The following MACF1 variants were observed in gnomAD, a reference collection of about 807,000 sequenced individuals.
The protein encoded by MACF1 is microtubule-actin cross-linking factor 1.
A neutral mutation model predicts 854.8 loss-of-function variants in MACF1; 193 were observed. The ratio of observed to expected loss-of-function variants is 0.23; its 90% CI spans 0.20 to 0.25. MACF1 has a LOEUF of 0.25. Ranked by LOEUF, MACF1 falls within the 10% of genes least tolerant of loss-of-function variation. The probability of loss-of-function intolerance (pLI) is 1.00; values close to 1 mark genes in which losing one functional copy is unlikely to be tolerated. For synonymous variants in MACF1, 3,185 were observed against 3,226.7 expected (o/e 0.99, Z 0.44); for missense variants, 7,722 against 8,929.1 (o/e 0.86, Z 5.45).
intron 2 of MACF1, among the ~76,000 whole-genome samples, chr1:39,106,309 A>G (rs7535185): frequency 0.12 from 18,382 of 152,054 alleles, 1,388 homozygotes; most frequent in African/African-American, 0.21. Context: ...TGCTGGAGGT[A>G]GGGGTCTGTT....
At chr1:39,369,143 G>A (rs1649008606) in intron 50 of MACF1, among the ~76,000 whole-genome samples, 1 of 151,682 alleles carries the variant, frequency 6.6e-6, no homozygotes, top group Non-Finnish European at 1.5e-5. Flanking sequence ...CAGACCCCCT[G>A]CTTGTTTTGA....
chr1:39,297,154 C>T (rs1457544180), intron 20 of MACF1, among the ~76,000 whole-genome samples: 1 of 152,130 alleles, frequency 6.6e-6, no homozygotes, highest in Non-Finnish European at 1.5e-5. Flanking sequence ...TCTCGATCTC[C>T]TGACCTCGTG....
In MACF1 at chr1:39,359,753, G is replaced by A. The variant is rs184253544; in HGVS notation, c.12244+489G>A. On this transcript the variant is annotated intron_variant, in intron 47 of 100. Transcript: ENST00000564288. Reference sequence around the variant, plus strand: ...TGGGAGGCCGAGGCGGGCAGATCACGAGGTCAGGAGATCGAGACCATCCTG... The same window carrying A: ...TGGGAGGCCGAGGCGGGCAGATCACAAGGTCAGGAGATCGAGACCATCCTG... Among the ~76,000 whole-genome samples the A allele has an allele frequency of 4.6e-3, 693 of 151,246 alleles. 12 individuals are homozygous for A. The highest frequency in any genetic ancestry group is 0.014 in the Middle Eastern group (4 of 294).
At chr1:39,410,115 C>CG (rs1557637144) in intron 58 of MACF1, 2 of 545,636 alleles carry the variant, frequency 3.7e-6, no homozygotes, top group Non-Finnish European at 3.1e-6. Context: ...GGTTTCAAAA[C>CG]GGAACTTCCA....
chr1:39,092,327 G>T (rs761534620), intron 2 of MACF1, among the ~76,000 whole-genome samples: 25 of 152,190 alleles, frequency 1.6e-4, no homozygotes, highest in Non-Finnish European at 2.8e-4. Context: ...CCTTAGAGCT[G>T]GTGCCAGCTG....
At position 39,295,809 on chromosome 1, in the gene MACF1, C is replaced by A. The variant is rs748190806; in HGVS notation, c.2282C>A (p.Ser761Tyr). The change falls in exon 20 of 101, where the codon TCC becomes TAC. Residue 761 changes from serine (S) to tyrosine (Y), a missense_variant. Around this residue, in one of 15 missense-constraint regions of MACF1, gnomAD observed 1,137 missense variants for 1,263.0 expected, o/e 0.90. Coordinates refer to ENST00000564288, the MANE Select transcript of MACF1 (RefSeq NM_001394062.1). ...CAGGCTTACAGTGCTGCTGTCCAGT[C>A]CCAGTTGCAGTGGATGAAGCAGCTG... ...TVEAYSAAVQ[S>Y]QLQWMKQLCL... The A allele has an allele frequency of 3.7e-6, 6 of 1,613,946 alleles. No individual in the cohort carries two copies. Among genetic ancestry groups the A allele is most frequent in the South Asian group, 1.1e-5 (1 of 91,038 alleles).
At chr1:39,461,791 CAAAA>C (rs59393084) in intron 92 of MACF1, 88 bp from the exon 93 acceptor site, 10,339 of 345,844 alleles carry the variant, frequency 0.03, no homozygotes, top group South Asian at 0.048. Context: ...GACCTTGTCT[CAAAA>C]AAAAAAAAAA....
Position 39,360,897 on chromosome 1 carries a change from G to C in MACF1, c.12349G>C (p.Glu4117Gln). ...AQSQSVQESL[E>Q]SLLQSIGEVE... ...ATCTCAGAGTGTCCAGGAAAGCCTG[G>C]AGAGCCTGTTGCAGTCTATTGGGGA... Residue 4117 changes from glutamate (E) to glutamine (Q), a missense_variant, in exon 48 of 101, where the codon GAG becomes CAG. Coordinates refer to ENST00000564288, the MANE Select transcript of MACF1 (RefSeq NM_001394062.1). The C allele has an allele frequency of 6.2e-7, 1 of 1,614,024 alleles. No homozygotes were observed. The highest frequency in any genetic ancestry group is 8.5e-7 in the Non-Finnish European group (1 of 1,180,016).
chr1:39,225,948 T>G (rs568255779), intron 1 of MACF1, among the ~76,000 whole-genome samples: 3 of 152,306 alleles, frequency 2.0e-5, no homozygotes, highest in African/African-American at 7.2e-5. Context: ...TTGGATTTCC[T>G]TGCTAAAAAT....
chr1:39,266,594 C>CTTTTTTTT (rs11406070), intron 6 of MACF1, among the ~76,000 whole-genome samples: 21 of 58,120 alleles, frequency 3.6e-4, no homozygotes, highest in East Asian at 1.1e-3. Context: ...TGGTCTTTTC[C>CTTTTTTTT]TTTTTTTTTT....
chr1:39,469,396 C>CT, intron 96 of MACF1, 151 bp from the exon 97 acceptor site: 1 of 649,636 alleles, frequency 1.5e-6, no homozygotes, highest in South Asian at 1.8e-5. Flanking sequence ...GCTAAATCCT[C>CT]TTCAGCTATG....
chr1:39,333,670 A>G lies in MACF1; in HGVS notation c.7082A>G (p.His2361Arg), dbSNP rs373159237. The G allele has an allele frequency of 6.2e-6, 10 of 1,614,062 alleles. No individual in the cohort carries two copies. The highest frequency in any genetic ancestry group is 3.3e-5 in the Admixed American group (2 of 59,998). Reference protein sequence around the residue: ...NEGLMDEKLLHNVLMADKAIS... With the variant: ...NEGLMDEKLLRNVLMADKAIS... ...GGTCTGATGGATGAGAAATTATTAC[A>G]TAATGTCCTCATGGCAGACAAAGCT... The change falls in exon 37 of 101, where the codon CAT becomes CGT. Residue 2361 changes from histidine (H) to arginine (R), a missense_variant. Physicochemically the swap from His to Arg is conservative, Grantham distance 29 (BLOSUM62 0). Coordinates refer to ENST00000564288, the MANE Select transcript of MACF1 (RefSeq NM_001394062.1).
intron 2 of MACF1, among the ~76,000 whole-genome samples, chr1:39,146,900 C>A (rs950071146): frequency 1.3e-5 from 2 of 152,118 alleles, no homozygotes; most frequent in Admixed American, 6.5e-5. Flanking sequence ...ACCCTATTTA[C>A]CCTGATGTGA....
intron 2 of MACF1, among the ~76,000 whole-genome samples, chr1:39,185,752 T>A (rs1644160678): frequency 6.6e-6 from 1 of 152,148 alleles, no homozygotes; most frequent in South Asian, 2.1e-4. Context: ...ATAACTTACT[T>A]CTTAGAGAAG....
Position 39,333,113 on chromosome 1 carries a change from A to G in MACF1, c.6525A>G (p.Ala2175=), listed in dbSNP as rs1646755119. 1 of 1,614,048 alleles carries G rather than the reference A, an allele frequency of 6.2e-7. No individual in the cohort carries two copies. The highest frequency in any genetic ancestry group is 1.1e-5 in the South Asian group (1 of 91,088). The change falls in exon 37 of 101, where the codon GCA becomes GCG. Residue 2175 remains alanine, a synonymous_variant. Transcript: ENST00000564288. Reference sequence around the variant, plus strand: ...CCTTTACATGTCAGAATGAACAAGCACACACTCTTGAGACTGAATATATTC... The same window carrying G: ...CCTTTACATGTCAGAATGAACAAGCGCACACTCTTGAGACTGAATATATTC... ...NTSFTCQNEQ[A]HTLETEYIHD...
intron 58 of MACF1, chr1:39,412,109 A>C: frequency 6.2e-7 from 1 of 1,613,942 alleles, no homozygotes; most frequent in Non-Finnish European, 8.5e-7. Context: ...CATGAAGAAA[A>C]ATTATCAGGC....
chr1:39,226,649 A>G (rs899883998), intron 1 of MACF1, among the ~76,000 whole-genome samples: 1 of 152,080 alleles, frequency 6.6e-6, no homozygotes, highest in African/African-American at 2.4e-5. Context: ...TATGGATAGT[A>G]AAATTAAAAA....
chr1:39,422,933 C>A (rs1390721084), intron 60 of MACF1, 33 bp downstream of exon 60: 1 of 1,600,278 alleles, frequency 6.2e-7, no homozygotes, highest in African/African-American at 1.3e-5. Flanking sequence ...TGAACTGTAA[C>A]AGCCGTAGGG....
chr1:39,269,411 G>T, intron 6 of MACF1: 4 of 1,289,822 alleles, frequency 3.1e-6, no homozygotes, highest in Non-Finnish European at 3.0e-6. Context: ...CAGCTTCCTG[G>T]ATTATAGAAT....
Sources: gnomAD v4.1 joint callset for allele counts (sites outside exome capture counted in the v4.1 genomes callset) on GRCh38, gnomAD v4.1.1 for gene constraint, gnomAD v4.1.1 regional missense constraint, MANE v1.5 for transcripts, NCBI Gene and HGNC (gene_info 2026-07-23, HGNC 2026-07-21) for gene names.